The following ARHGEF3 variants were observed in gnomAD, a reference collection of about 807,000 sequenced individuals.
The protein encoded by ARHGEF3 is 59.8 kDA protein.
ARHGEF3 carries 28 observed loss-of-function variants against 63.2 expected under a neutral mutation model. That is an observed-to-expected ratio of 0.44 (90% CI 0.33 to 0.61). ARHGEF3 has a LOEUF of 0.61. ARHGEF3 is among the 20% of genes least tolerant of loss of function. The probability of loss-of-function intolerance (pLI) is 0.03; values close to 1 mark genes in which losing one functional copy is unlikely to be tolerated. For synonymous variants in ARHGEF3, 266 were observed against 254.2 expected, an observed-to-expected ratio of 1.05 and a Z score of -0.44; for missense variants, 533 against 659.3, an observed-to-expected ratio of 0.81 and a Z score of 2.10.
At chr3:57,060,421 G>C (rs1043728531) in intron 1 of ARHGEF3, 4 of 152,316 alleles carry the variant, frequency 2.6e-5, no homozygotes, top group South Asian at 2.1e-4. Context: ...TTCTGCAGGA[G>C]AGCCCTTCCA....
At chr3:56,867,090 T>C (rs1332277386) in intron 4 of ARHGEF3, among the ~76,000 whole-genome samples, 1 of 152,256 alleles carries the variant, frequency 6.6e-6, no homozygotes, top group African/African-American at 2.4e-5. Context: ...TTTCCTTTTG[T>C]TGTACTGGTT....
chr3:56,838,368 T>C (rs934590904), intron 4 of ARHGEF3, among the ~76,000 whole-genome samples: 1 of 152,208 alleles, frequency 6.6e-6, no homozygotes, highest in African/African-American at 2.4e-5. Context: ...ACTCCCATAT[T>C]TTTAGCTGTT....
intron 8 of ARHGEF3, 151 bp downstream of exon 8, chr3:56,737,034 G>A: frequency 1.2e-6 from 1 of 839,974 alleles, no homozygotes; most frequent in Non-Finnish European, 1.7e-6. Flanking sequence ...GGCAGAGGTT[G>A]CAGTGAGCCA....
chr3:56,939,384 T>G (rs1020877024), intron 3 of ARHGEF3, among the ~76,000 whole-genome samples: 2 of 152,172 alleles, frequency 1.3e-5, no homozygotes, highest in Non-Finnish European at 2.9e-5. Context: ...ATCACTACCA[T>G]GACATTTTTG....
chr3:56,992,024 C>CTCTCTCTCTCTGTG (rs1239113895), intron 2 of ARHGEF3, among the ~76,000 whole-genome samples: 3 of 131,636 alleles, frequency 2.3e-5, no homozygotes, highest in African/African-American at 8.7e-5. Flanking sequence ...CCTCCTCTCT[C>CTCTCTCTCTCTGTG]TGTGTGTGTG....
At chr3:56,968,163 TTATATAA>T (rs1560093851) in intron 2 of ARHGEF3, among the ~76,000 whole-genome samples, 615 of 28,622 alleles carry the variant, frequency 0.021, 7 homozygotes, top group East Asian at 0.094. Context: ...AAAATATATA[TTATATAA>T]TATATATAAA....
chr3:56,879,332 T>C (rs1354233163), intron 4 of ARHGEF3, among the ~76,000 whole-genome samples: 1 of 152,210 alleles, frequency 6.6e-6, no homozygotes, highest in Non-Finnish European at 1.5e-5. Flanking sequence ...ACATAGTCTG[T>C]GTTAATATTT....
At chr3:56,996,377 G>A (rs1701987282) in intron 2 of ARHGEF3, among the ~76,000 whole-genome samples, 1 of 152,096 alleles carries the variant, frequency 6.6e-6, no homozygotes. Context: ...AATTGCTATG[G>A]TCTGAATGTT....
At chr3:56,797,201 G>A (rs1455851317) in intron 1 of ARHGEF3, among the ~76,000 whole-genome samples, 1 of 152,144 alleles carries the variant, frequency 6.6e-6, no homozygotes, top group Non-Finnish European at 1.5e-5. Flanking sequence ...CAACTAGCAG[G>A]TGGTGGAGAC....
At chr3:56,822,035 G>A (rs73080002) in intron 4 of ARHGEF3, among the ~76,000 whole-genome samples, 11,844 of 148,180 alleles carry the variant, frequency 0.08, 730 homozygotes, top group Admixed American at 0.2. Flanking sequence ...GAAGAGAAGC[G>A]AGGAAAAGAA....
At chr3:56,737,995 A>C (rs1052885476) in intron 7 of ARHGEF3, among the ~76,000 whole-genome samples, 5 of 152,132 alleles carry the variant, frequency 3.3e-5, no homozygotes, top group South Asian at 2.1e-4. Context: ...CAGCCTCCCA[A>C]GTAGCTGGGA....
rs532371397 is a variant in ARHGEF3 at position 56,735,860 on chromosome 3, A to G, written c.1041+1325T>C. Among the ~76,000 whole-genome samples, 52 of 152,314 alleles carry G rather than the reference A, an allele frequency of 3.4e-4. No homozygotes were observed. In the South Asian group the frequency reaches 3.9e-3, roughly 12 times the overall value. On this transcript the variant is annotated intron_variant, in intron 8 of 9. Coordinates refer to ENST00000296315, the MANE Select transcript of ARHGEF3 (RefSeq NM_019555.3). ...TAATGGGTTATAACATGTACTCACT[A>G]ATTTCAAGTAATATTTCCATGGCTG... is the stretch of plus-strand genomic sequence containing the variant.
At chr3:56,980,802 T>A (rs1459886615) in intron 2 of ARHGEF3, among the ~76,000 whole-genome samples, 1 of 152,224 alleles carries the variant, frequency 6.6e-6, no homozygotes, top group Non-Finnish European at 1.5e-5. Flanking sequence ...GTAACTTGAC[T>A]TGGGTCACAC....
intron 2 of ARHGEF3, among the ~76,000 whole-genome samples, chr3:56,968,171 T>TATATATAAAAATATATATTATATATA (rs1226554498): frequency 1.2e-4 from 3 of 25,680 alleles, no homozygotes; most frequent in East Asian, 2.1e-3. Flanking sequence ...TATTATATAA[T>TATATATAAAAATATATATTATATATA]ATATATAAAA....
chr3:56,782,157 T>C (rs2036593784), intron 1 of ARHGEF3, among the ~76,000 whole-genome samples: 1 of 152,234 alleles, frequency 6.6e-6, no homozygotes, highest in Non-Finnish European at 1.5e-5. Flanking sequence ...AAAATTTCCA[T>C]TGAAATATTT....
At chr3:56,798,559 A>C (rs2107955198) in intron 1 of ARHGEF3, among the ~76,000 whole-genome samples, 1 of 104,188 alleles carries the variant, frequency 9.6e-6, no homozygotes, top group South Asian at 2.8e-4. Flanking sequence ...TTTTTTTTTT[A>C]AGCCTTCTTT....
At chr3:57,040,772 T>C (rs1009096684) in intron 1 of ARHGEF3, among the ~76,000 whole-genome samples, 1 of 151,986 alleles carries the variant, frequency 6.6e-6, no homozygotes, top group Non-Finnish European at 1.5e-5. Context: ...CCTGTGTCCT[T>C]TCACCTCTGA....
chr3:56,850,931 G>A (rs1262514779), intron 4 of ARHGEF3, among the ~76,000 whole-genome samples: 1 of 152,180 alleles, frequency 6.6e-6, no homozygotes, highest in Non-Finnish European at 1.5e-5. Flanking sequence ...AGGAAACTGA[G>A]GCACAGAAGA....
chr3:56,783,983 A>G (rs1020892744), intron 1 of ARHGEF3, among the ~76,000 whole-genome samples: 1 of 152,210 alleles, frequency 6.6e-6, no homozygotes, highest in African/African-American at 2.4e-5. Context: ...CAGAGGGAGA[A>G]CTGCACACCC....
Sources: gnomAD v4.1 joint callset for allele counts (sites outside exome capture counted in the v4.1 genomes callset) on GRCh38, gnomAD v4.1.1 for gene constraint, MANE v1.5 for transcripts, NCBI Gene and HGNC (gene_info 2026-07-23, HGNC 2026-07-21) for gene names.